HERC4: variants seen among roughly 807,000 people sequenced by gnomAD.
The protein encoded by HERC4 is HECT and RLD domain containing E3 ubiquitin protein ligase 4, also known as probable E3 ubiquitin-protein ligase HERC4.
In HERC4, 28 loss-of-function variants were observed where a neutral mutation model predicts 124.3. That is an observed-to-expected ratio of 0.23 (90% CI 0.17 to 0.31). The LOEUF is 0.31. Ranked by LOEUF, HERC4 falls within the 10% of genes least tolerant of loss-of-function variation. HERC4 has a pLI of 1.00. For missense variants in HERC4, 713 were observed against 1,229.3 expected, an observed-to-expected ratio of 0.58 and a Z score of 6.28; for synonymous variants, 407 against 421.5, an observed-to-expected ratio of 0.97 and a Z score of 0.42.
chr10:67,949,934 G>A (rs1184398499), intron 19 of HERC4, among the ~76,000 whole-genome samples: 1 of 152,004 alleles, frequency 6.6e-6, no homozygotes, highest in African/African-American at 2.4e-5. Flanking sequence ...CAAGAGAATC[G>A]CTTGAACCTG....
chr10:68,051,493 C>T (rs1156357906), intron 3 of HERC4, among the ~76,000 whole-genome samples: 2 of 150,460 alleles, frequency 1.3e-5, no homozygotes, highest in Non-Finnish European at 3.0e-5. Flanking sequence ...TACAAGCGCC[C>T]GCCACCATGC....
chr10:67,950,360 C>T (rs1195271677), intron 19 of HERC4, among the ~76,000 whole-genome samples: 1 of 151,818 alleles, frequency 6.6e-6, no homozygotes, highest in Non-Finnish European at 1.5e-5. Flanking sequence ...ACTGCAACCT[C>T]CGCCATCCAG....
intron 4 of HERC4, among the ~76,000 whole-genome samples, chr10:68,043,918 GAATT>G (rs757400248): frequency 1.3e-5 from 2 of 152,108 alleles, no homozygotes; most frequent in Non-Finnish European, 2.9e-5. Flanking sequence ...ATTATATGAT[GAATT>G]AATTAAATTG....
chr10:67,964,452 A>G (rs2034726036), intron 16 of HERC4, among the ~76,000 whole-genome samples: 1 of 151,928 alleles, frequency 6.6e-6, no homozygotes, highest in Non-Finnish European at 1.5e-5. Context: ...ATTCCCTTTT[A>G]TCTCCAAGAC....
chr10:67,966,097 C>G (rs568540265), intron 16 of HERC4: 1 of 152,538 alleles, frequency 6.6e-6, no homozygotes, highest in African/African-American at 2.4e-5. Context: ...CATGCCTCAG[C>G]CTTCTGAGTA....
intron 9 of HERC4, among the ~76,000 whole-genome samples, chr10:68,002,599 C>CTTTTT (rs375700847): frequency 7.5e-6 from 1 of 132,588 alleles, no homozygotes; most frequent in Non-Finnish European, 1.6e-5. Flanking sequence ...TAAATTTTTA[C>CTTTTT]TTTTTTTTTT....
intron 3 of HERC4, among the ~76,000 whole-genome samples, chr10:68,046,754 C>T (rs1236792111): frequency 6.6e-6 from 1 of 152,152 alleles, no homozygotes; most frequent in Non-Finnish European, 1.5e-5. Context: ...ATCACTTGAA[C>T]CCAGGAGTTT....
At chr10:67,989,947 C>A (rs1158749414) in intron 14 of HERC4, among the ~76,000 whole-genome samples, 1 of 151,960 alleles carries the variant, frequency 6.6e-6, no homozygotes, top group Non-Finnish European at 1.5e-5. Flanking sequence ...GAAAGGAATA[C>A]GGGTGACAGT....
chr10:67,940,179 G>A (rs1015786336), intron 20 of HERC4, among the ~76,000 whole-genome samples: 2 of 152,002 alleles, frequency 1.3e-5, no homozygotes, highest in African/African-American at 4.8e-5. Flanking sequence ...GCCCACCTTG[G>A]CCTCCCAAAG....
At chr10:67,992,173 T>C in intron 11 of HERC4, 26 bp downstream of exon 11, 1 of 1,609,402 alleles carries the variant, frequency 6.2e-7, no homozygotes, top group South Asian at 1.1e-5. Flanking sequence ...TGAGCCACTG[T>C]GCCTGGCCCA....
At chr10:67,929,664 G>A (rs971312383) in intron 23 of HERC4, among the ~76,000 whole-genome samples, 8 of 150,772 alleles carry the variant, frequency 5.3e-5, no homozygotes, top group African/African-American at 1.5e-4. Context: ...ACTGGTGCAC[G>A]CCACCATAAA....
chr10:67,990,341 A>G lies in HERC4; in HGVS notation c.1503T>C (p.Val501=). 6.2e-7 allele frequency: 1 copy of G among 1,612,306 alleles called. No individual in the cohort carries two copies. The highest frequency in any genetic ancestry group is 8.5e-7 in the Non-Finnish European group (1 of 1,179,000). ...GAGTAAGATAAAACCTCAATGCTTC[A>G]ACATCAGGTAAGGAGCTAGTCAGTT... is the stretch of plus-strand genomic sequence containing the variant. The part of the protein sequence containing the change: ...IPKLTSSLPD[V]EALRFYLTLP... Residue 501 remains valine (V), a synonymous_variant, in exon 14 of 25, where the codon GTT becomes GTC. Transcript: ENST00000373700.
chr10:67,940,905 C>G (rs1485653052), intron 20 of HERC4, 34 bp downstream of exon 20: 2 of 1,589,046 alleles, frequency 1.3e-6, no homozygotes, highest in East Asian at 2.3e-5. Flanking sequence ...ACCTCCCAAA[C>G]CCTACTACTT....
chr10:67,940,466 C>T (rs369110280), intron 20 of HERC4, among the ~76,000 whole-genome samples: 1 of 151,942 alleles, frequency 6.6e-6, no homozygotes, highest in South Asian at 2.1e-4. Context: ...GTCACCCAGG[C>T]TGGAGTGAAA....
chr10:68,031,071 G>A (rs944336206), intron 7 of HERC4, among the ~76,000 whole-genome samples: 1 of 151,932 alleles, frequency 6.6e-6, no homozygotes, highest in African/African-American at 2.4e-5. Context: ...TTTTACTTTG[G>A]GGATATTAAC....
chr10:68,002,787 A>G (rs947541165), intron 9 of HERC4, among the ~76,000 whole-genome samples: 1 of 151,938 alleles, frequency 6.6e-6, no homozygotes, highest in African/African-American at 2.4e-5. Flanking sequence ...TTTAGTTCAG[A>G]CGGAGTTTCA....
intron 9 of HERC4, chr10:67,993,002 A>G (rs526333): frequency 0.54 from 92,766 of 170,628 alleles, 27,180 homozygotes; most frequent in Non-Finnish European, 0.66. Context: ...ATTTAAAAAA[A>G]ATAGAACAAA....
At chr10:67,983,596 G>A (rs1245847885) in intron 15 of HERC4, among the ~76,000 whole-genome samples, 3 of 151,990 alleles carry the variant, frequency 2.0e-5, no homozygotes, top group Non-Finnish European at 2.9e-5. Context: ...TGGCTAACAC[G>A]GTGAAACCCC....
At chr10:68,059,522 A>AACATTATATATTATAATATTATATATC (rs1564607275) in intron 3 of HERC4, among the ~76,000 whole-genome samples, 23 of 80,660 alleles carry the variant, frequency 2.9e-4, no homozygotes, top group Non-Finnish European at 4.8e-4. Flanking sequence ...TATATATCAT[A>AACATTATATATTATAATATTATATATC]ATAATATTAT....
Sources: gnomAD v4.1 joint callset for allele counts (sites outside exome capture counted in the v4.1 genomes callset) on GRCh38, gnomAD v4.1.1 for gene constraint, MANE v1.5 for transcripts, NCBI Gene and HGNC (gene_info 2026-07-23, HGNC 2026-07-21) for gene names.